Variants in PCNX3 observed in about 807,000 individuals in gnomAD.
PCNX3 encodes pecanex-like protein 3.
A neutral mutation model predicts 207.2 loss-of-function variants in PCNX3; 58 were observed. The observed-to-expected ratio is 0.28, with a 90% CI of 0.23 to 0.35. The LOEUF is 0.35. Among genes scored for constraint, PCNX3 ranks in the 10% least tolerant of loss-of-function variants. PCNX3 has a pLI of 1.00. For synonymous variants in PCNX3, 1,337 were observed against 1,183.5 expected, an observed-to-expected ratio of 1.13 and a Z score of -2.66; for missense variants, 2,410 against 2,774.4, an observed-to-expected ratio of 0.87 and a Z score of 2.95.
intron 11 of PCNX3, among the ~76,000 whole-genome samples, chr11:65,622,779 T>TA: frequency 6.6e-6 from 1 of 152,046 alleles, no homozygotes; most frequent in South Asian, 2.1e-4. Flanking sequence ...TATTTTTTTT[T>TA]TTTTAGTAGA....
At position 65,618,168 on chromosome 11, in the gene PCNX3, G is replaced by T; in HGVS notation, c.806G>T (p.Arg269Leu). The T allele has an allele frequency of 6.2e-7, 1 of 1,606,856 alleles. No homozygotes were observed. Among genetic ancestry groups the T allele is most frequent in the Non-Finnish European group, 8.5e-7 (1 of 1,175,734 alleles). Residue 269 changes from arginine to leucine, a missense_variant, in exon 6 of 35, where the codon CGA becomes CTA. Physicochemically the swap from Arg to Leu is moderately radical, Grantham distance 102. Transcript: ENST00000355703. ...CGGGCCCTGGTGAGGACCAGCAGTC[G>T]ACGGGAACAACGCAGGGGGGCAGGT... ...PDRALVRTSS[R>L]REQRRGAGGY...
intron 28 of PCNX3, 87 bp downstream of exon 28, chr11:65,634,443 C>T (rs1855742683): frequency 6.6e-7 from 1 of 1,506,936 alleles, no homozygotes; most frequent in East Asian, 2.5e-5. Flanking sequence ...TTTCCTCTCA[C>T]TCTGAGCCTC....
In PCNX3 at chr11:65,636,463, G is replaced by A. The variant is rs753528269; in HGVS notation, c.5666G>A (p.Gly1889Glu). 2.6e-6 allele frequency: 4 copies of A among 1,559,300 alleles called. No individual in the cohort carries two copies. Among genetic ancestry groups the A allele is most frequent in the South Asian group, 1.2e-5 (1 of 83,500 alleles). ...TCCTCCCTGAGTGGCTCTGGTGATG[G>A]GCGGCCCCCACCTCTGCTGCAGTGG... ...PRSSLSGSGD[G>E]RPPPLLQWPP... is the part of the protein sequence containing the mutation. Residue 1889 changes from glycine to glutamate, a missense_variant, in exon 34 of 35, where the codon GGG (glycine) becomes GAG (glutamate). Coordinates refer to ENST00000355703, the MANE Select transcript of PCNX3 (RefSeq NM_032223.4).
Position 65,635,790 on chromosome 11 carries a change from C to T in PCNX3, c.5446C>T (p.Arg1816Cys), listed in dbSNP as rs11227245. Residue 1816 changes from arginine (R) to cysteine (C), a missense_variant, in exon 32 of 35, where the codon CGC becomes TGC. Coordinates refer to ENST00000355703, the MANE Select transcript of PCNX3 (RefSeq NM_032223.4). This position sits in a 1 kb window ranked among gnomAD's most constrained non-coding sequence, Gnocchi z 9.9. ...GGGTGCCATTGCCCACTGGCTCCTG[C>T]GCACCTGGGAGAGGTGAGGCCTCGG... ...SLGAIAHWLL[R>C]TWERLHKGCG... The T allele has an allele frequency of 3.2e-4, 505 of 1,603,044 alleles. 1 individual carries two copies. The African/African-American group carries it at 5.6e-3, about 18-fold the overall frequency.
Position 65,618,128 on chromosome 11 carries a change from C to T in PCNX3, c.766C>T (p.Leu256=), listed in dbSNP as rs1165409263. Residue 256 remains leucine (L), a synonymous_variant, in exon 6 of 35, where the codon CTG becomes TTG. Transcript: ENST00000355703. ...GGAGCTGAGCAAGAGCTTCCTGACCCTGACCCAGCCTGACCGGGCCCTGGT... is the reference window on the plus strand; with the variant it reads ...GGAGCTGAGCAAGAGCTTCCTGACCTTGACCCAGCCTGACCGGGCCCTGGT... ...SQELSKSFLT[L]TQPDRALVRT... 2 of 1,611,000 alleles carry T rather than the reference C, an allele frequency of 1.2e-6. No homozygotes were observed. Among genetic ancestry groups the T allele is most frequent in the Non-Finnish European group, 1.7e-6 (2 of 1,178,852 alleles).
At chr11:65,619,111 C>T (rs771950658) in intron 6 of PCNX3, 44 bp downstream of exon 6, 22 of 1,498,956 alleles carry the variant, frequency 1.5e-5, no homozygotes, top group East Asian at 6.9e-5. Context: ...ACGTGAGCTA[C>T]GGGCTTGGGG....
chr11:65,623,407 C>T lies in PCNX3; in HGVS notation c.2358-84C>T. On this transcript the variant is annotated intron_variant, in intron 11 of 34. Transcript: ENST00000355703. ...GCATGGGCACAGTCCCAGAGCTGGGCCTTTAGGGCAAGATCCATCTTCCCC... is the reference window on the plus strand; with the variant it reads ...GCATGGGCACAGTCCCAGAGCTGGGTCTTTAGGGCAAGATCCATCTTCCCC... 3 of 1,468,682 alleles carry T rather than the reference C, an allele frequency of 2.0e-6. No homozygotes were observed. In the East Asian group the frequency reaches 7.3e-5, roughly 36 times the overall value. The allele number at this position is 1,468,682 out of a possible 1,614,324, so 91.0% of individuals were successfully genotyped here.
At chr11:65,627,605 G>A (rs71470432) in intron 22 of PCNX3, 23 bp downstream of exon 22, 2 of 1,612,050 alleles carry the variant, frequency 1.2e-6, no homozygotes, top group Non-Finnish European at 1.7e-6. Flanking sequence ...CTGTGGCCCA[G>A]ACCCCAGGCT....
At chr11:65,619,411 G>A (rs990403583) in intron 6 of PCNX3, 126 bp from the exon 7 acceptor site, 4 of 1,458,484 alleles carry the variant, frequency 2.7e-6, no homozygotes, top group Admixed American at 2.4e-5. Context: ...GACCTGGCTG[G>A]GCCTCAGAGC....
intron 21 of PCNX3, 140 bp downstream of exon 21, chr11:65,627,188 A>G: frequency 7.8e-7 from 1 of 1,290,310 alleles, no homozygotes; most frequent in Non-Finnish European, 1.0e-6. Context: ...CTGACACGCC[A>G]TCCCAGGAAG....
In PCNX3 at chr11:65,635,837, G is replaced by A. The variant is rs1418159308; in HGVS notation, c.5459+34G>A. 6.3e-7 allele frequency: 1 copy of A among 1,579,164 alleles called. No individual in the cohort carries two copies. The highest frequency in any genetic ancestry group is 8.6e-7 in the Non-Finnish European group (1 of 1,162,804). On this transcript the variant is annotated intron_variant, in intron 32 of 34. Transcript: ENST00000355703. The surrounding 1 kb of genome is among the most constrained non-coding windows in gnomAD (Gnocchi z 9.9). ...TCGGGAAGGGGTGACGTGTGGCGCG[G>A]GAGGAAGCTGAGGTGCAGTACGTCC...
rs775616112 is a variant in PCNX3, at chr11:65,624,009, G to T, written c.2544+48G>T. 5.3e-5 allele frequency: 85 copies of T among 1,606,150 alleles called. No homozygotes were observed. In the African/African-American group the frequency reaches 9.5e-4, roughly 18 times the overall value. ...CTCTGGCCAGGAGGCCCCGGGAGGG[G>T]CTGAGACCAGGTGGGGAGGAGGGTA... is the stretch of plus-strand genomic sequence containing the variant. On this transcript the variant is annotated intron_variant, in intron 13 of 34. Coordinates refer to ENST00000355703, the MANE Select transcript of PCNX3 (RefSeq NM_032223.4).
intron 11 of PCNX3, 31 bp downstream of exon 11, chr11:65,622,397 C>G: frequency 6.3e-7 from 1 of 1,577,876 alleles, no homozygotes; most frequent in Non-Finnish European, 8.6e-7. Context: ...GCCCCCAATT[C>G]TTGGAAAGCC....
Position 65,617,631 on chromosome 11 carries a change from G to A in PCNX3, c.502G>A (p.Glu168Lys). Reference protein sequence around the residue: ...PLRDIKELVREQGSNNVIVTS... With the variant: ...PLRDIKELVRKQGSNNVIVTS... ...TGCAGACATCAAGGAGCTGGTGCGG[G>A]AGCAGGGCAGCAACAATGTGATCGT... The change falls in exon 5 of 35, where the codon GAG becomes AAG. Residue 168 changes from glutamate (E) to lysine (K), a missense_variant. Around this residue, in one of 8 missense-constraint regions of PCNX3, gnomAD observed 1,104 missense variants for 970.3 expected, o/e 1.14. Coordinates refer to ENST00000355703, the MANE Select transcript of PCNX3 (RefSeq NM_032223.4). The A allele has an allele frequency of 6.2e-7, 1 of 1,607,060 alleles. No individual in the cohort carries two copies.
rs775888775 is a variant in PCNX3, at chr11:65,622,378, G to A, written c.2357+12G>A. On this transcript the variant is annotated intron_variant, in intron 11 of 34. Transcript: ENST00000355703. Reference sequence around the variant, plus strand: ...GCTCTGCTGGACCGGTGAGTGTCCCGCAGCCTTGGCCCCCAATTCTTGGAA... The same window carrying A: ...GCTCTGCTGGACCGGTGAGTGTCCCACAGCCTTGGCCCCCAATTCTTGGAA... The A allele has an allele frequency of 1.2e-5, 19 of 1,586,406 alleles. No individual in the cohort carries two copies. The highest frequency in any genetic ancestry group is 6.9e-5 in the South Asian group (6 of 86,964).
At position 65,617,467 on chromosome 11, in the gene PCNX3, C is replaced by T. The variant is rs111945490; in HGVS notation, c.442-3C>T. The T allele has an allele frequency of 8.6e-5, 139 of 1,613,924 alleles. 2 individuals carry two copies. The African/African-American group carries it at 1.0e-3, about 12-fold the overall frequency. On this transcript the variant is annotated splice_region_variant and splice_polypyrimidine_tract_variant and intron_variant, in intron 3 of 34. Transcript: ENST00000355703. ...GTTCCTTCATGGCTCTCTGTCTACT[C>T]AGGAGCTGCTGCCCCGAATGGAGGA...
chr11:65,619,130 AGG>A (rs753278623), intron 6 of PCNX3, 63 bp downstream of exon 6: 12 of 1,346,126 alleles, frequency 8.9e-6, no homozygotes, highest in Non-Finnish European at 1.2e-5. Flanking sequence ...GGTTGGGCAA[AGG>A]GCAGGTAAGA....
rs1171528158 is a variant in PCNX3 at position 65,618,052 on chromosome 11, C to A, written c.690C>A (p.Ser230Arg). Reference protein sequence around the residue: ...LAGDGAPWSGSSMADTPMSPL... With the variant: ...LAGDGAPWSGRSMADTPMSPL... ...GAGATGGAGCGCCCTGGAGTGGGAGCAGCATGGCTGACACTCCCATGAGCC... is the reference window on the plus strand; with the variant it reads ...GAGATGGAGCGCCCTGGAGTGGGAGAAGCATGGCTGACACTCCCATGAGCC... The change falls in exon 6 of 35, where the codon AGC becomes AGA. Residue 230 changes from serine to arginine, a missense_variant. Ser to Arg is a moderately radical substitution (Grantham distance 110, BLOSUM62 -1). Transcript: ENST00000355703. 2.5e-6 allele frequency: 4 copies of A among 1,606,518 alleles called. No homozygotes were observed. The Admixed American group carries it at 6.8e-5, about 27-fold the overall frequency.
At chr11:65,624,015 A>G (rs1478474786) in intron 13 of PCNX3, 54 bp downstream of exon 13, 3 of 1,604,554 alleles carry the variant, frequency 1.9e-6, no homozygotes, top group Non-Finnish European at 2.5e-6. Flanking sequence ...AGGGGCTGAG[A>G]CCAGGTGGGG....
Sources: gnomAD v4.1 joint callset for allele counts (sites outside exome capture counted in the v4.1 genomes callset) on GRCh38, gnomAD v4.1.1 for gene constraint, gnomAD v4.1.1 regional missense constraint, Gnocchi (gnomAD v3.1) non-coding constraint, MANE v1.5 for transcripts, NCBI Gene and HGNC (gene_info 2026-07-23, HGNC 2026-07-21) for gene names.